The following GOLGA4 variants were observed in gnomAD, a reference collection of about 807,000 sequenced individuals.
GOLGA4 encodes the protein golgin A4.
Under a neutral mutation model 265.9 loss-of-function variants are expected in GOLGA4, and 169 were observed. The observed-to-expected ratio is 0.64, with a 90% CI of 0.56 to 0.72. The LOEUF is 0.72. Among genes scored for constraint, GOLGA4 ranks in the 30% least tolerant of loss-of-function variants. GOLGA4 has a pLI of 0.00. For synonymous variants in GOLGA4, 923 were observed against 855.8 expected, an observed-to-expected ratio of 1.08 and a Z score of -1.37; for missense variants, 2,482 against 2,483.4, an observed-to-expected ratio of 1.00 and a Z score of 0.01.
At chr3:37,337,101 T>G (rs1451819478) in intron 17 of GOLGA4, 42 bp from the exon 18 acceptor site, 3 of 1,202,444 alleles carry the variant, frequency 2.5e-6, no homozygotes, top group Non-Finnish European at 3.6e-6. Flanking sequence ...TTCTTATAGC[T>G]ATTATTGTAT....
intron 22 of GOLGA4, among the ~76,000 whole-genome samples, chr3:37,360,817 C>T (rs1297871008): frequency 6.6e-6 from 1 of 152,128 alleles, no homozygotes; most frequent in Admixed American, 6.5e-5. Context: ...AGACACATGG[C>T]TCTTCAAATT....
intron 14 of GOLGA4, among the ~76,000 whole-genome samples, 167 bp from the exon 15 acceptor site, chr3:37,328,233 GACACACACACACACAC>G (rs4021346): frequency 7.2e-6 from 1 of 138,534 alleles, no homozygotes. Context: ...TATGTACCTG[GACACACACACACACAC>G]ACACACACAC....
intron 16 of GOLGA4, among the ~76,000 whole-genome samples, chr3:37,330,746 G>A (rs1031291581): frequency 1.3e-5 from 2 of 152,070 alleles, no homozygotes; most frequent in Non-Finnish European, 2.9e-5. Context: ...AATGCAAGCC[G>A]GCCAGGCACG....
chr3:37,258,608 A>G (rs1219362534), intron 2 of GOLGA4, among the ~76,000 whole-genome samples: 1 of 152,156 alleles, frequency 6.6e-6, no homozygotes, highest in African/African-American at 2.4e-5. Flanking sequence ...GATTACAGGC[A>G]TGAACCACCA....
intron 16 of GOLGA4, among the ~76,000 whole-genome samples, chr3:37,331,755 T>A (rs1437962691): frequency 2.0e-5 from 3 of 152,238 alleles, no homozygotes; most frequent in Non-Finnish European, 4.4e-5. Flanking sequence ...ATGACATTCT[T>A]ACCATTCCTC....
chr3:37,282,186 T>A lies in GOLGA4; in HGVS notation c.391T>A (p.Ser131Thr), dbSNP rs765663451. Residue 131 changes from serine to threonine, a missense_variant, in exon 3 of 24, where the codon TCA (serine) becomes ACA (threonine). Around this residue, in one of 3 missense-constraint regions of GOLGA4, gnomAD observed 1,536 missense variants for 1,483.7 expected, o/e 1.04. Coordinates refer to ENST00000361924, the MANE Select transcript of GOLGA4 (RefSeq NM_002078.5). Reference sequence around the variant, plus strand: ...CGAGGCTGAAGACTTGGTAGGGAATTCAGACAGTCTCAACAAAGAACAGTT... The same window carrying A: ...CGAGGCTGAAGACTTGGTAGGGAATACAGACAGTCTCAACAAAGAACAGTT... The part of the protein sequence containing the change: ...DSEAEDLVGN[S>T]DSLNKEQLIQ... 6.2e-7 allele frequency: 1 copy of A among 1,614,176 alleles called. No homozygotes were observed. Among genetic ancestry groups the A allele is most frequent in the Non-Finnish European group, 8.5e-7 (1 of 1,179,996 alleles).
At position 37,343,270 on chromosome 3, in the gene GOLGA4, C is replaced by T. The variant is rs375252212; in HGVS notation, c.6472+3071C>T. ...CCGAGTAGCTGGGATTATAGGCATG[C>T]GCCTCCACGCCTGGCTAATTTTGTA... On this transcript the variant is annotated intron_variant, in intron 20 of 23. Transcript: ENST00000361924. 1.8e-3 allele frequency among the ~76,000 whole-genome samples: 271 copies of T among 152,336 alleles called. 4 individuals are homozygous for T. The highest frequency in any genetic ancestry group is 5.7e-3 in the African/African-American group (239 of 41,570).
In GOLGA4 at chr3:37,361,318, C is replaced by T; in HGVS notation, c.*33+13C>T. ...TAGTTAACATGTGGTGAGTGAAGAA[C>T]AATGTCTTGTGTCTTTTGTGCAAAA... On this transcript the variant is annotated intron_variant, in intron 23 of 23. Coordinates refer to ENST00000361924, the MANE Select transcript of GOLGA4 (RefSeq NM_002078.5). The T allele has an allele frequency of 6.3e-7, 1 of 1,590,828 alleles. No individual in the cohort carries two copies. Among genetic ancestry groups the T allele is most frequent in the Non-Finnish European group, 8.6e-7 (1 of 1,159,188 alleles).
At chr3:37,359,306 A>AT (rs1259065107) in intron 22 of GOLGA4, among the ~76,000 whole-genome samples, 3 of 151,962 alleles carry the variant, frequency 2.0e-5, no homozygotes, top group South Asian at 2.1e-4. Context: ...GTACACCCTG[A>AT]TTTTTTTTAA....
chr3:37,291,597 G>A (rs538726599), intron 5 of GOLGA4, among the ~76,000 whole-genome samples: 2 of 152,326 alleles, frequency 1.3e-5, no homozygotes, highest in Non-Finnish European at 2.9e-5. Flanking sequence ...TGGCTGAAAA[G>A]CATGCCTTGT....
chr3:37,278,473 G>C lies in GOLGA4; in HGVS notation c.163-3485G>C, dbSNP rs2096825633. On this transcript the variant is annotated intron_variant, in intron 2 of 23. Transcript: ENST00000361924. ...CCGCCTTGGCCTCCCAGAGTGCTGG[G>C]ATTACAGGGATGAGCCACCACACCT... Among the ~76,000 whole-genome samples, 3 of 152,130 alleles carry C rather than the reference G, an allele frequency of 2.0e-5. No homozygotes were observed. In the South Asian group the frequency reaches 6.2e-4, roughly 31 times the overall value.
chr3:37,330,430 C>T (rs891783192), intron 16 of GOLGA4, among the ~76,000 whole-genome samples: 1 of 152,044 alleles, frequency 6.6e-6, no homozygotes, highest in African/African-American at 2.4e-5. Context: ...CTAGAATTCC[C>T]TTTTGTGAAC....
At chr3:37,310,853 G>A (rs949695240) in intron 10 of GOLGA4, among the ~76,000 whole-genome samples, 9 of 152,032 alleles carry the variant, frequency 5.9e-5, no homozygotes, top group African/African-American at 1.7e-4. Context: ...GATGTGTGCC[G>A]TGACTGTGGT....
intron 19 of GOLGA4, among the ~76,000 whole-genome samples, chr3:37,339,073 A>G (rs574441557): frequency 1.3e-5 from 2 of 152,218 alleles, no homozygotes; most frequent in South Asian, 2.1e-4. Context: ...CATGTTAGCC[A>G]GGATGGTTTC....
intron 23 of GOLGA4, among the ~76,000 whole-genome samples, chr3:37,362,780 C>CTTTTTTTTTTTTTGTTTTT (rs1696421433): frequency 1.3e-5 from 1 of 75,464 alleles, no homozygotes; most frequent in African/African-American, 5.1e-5. Context: ...AGCCTCTAAG[C>CTTTTTTTTTTTTTGTTTTT]TTTTTTTTTT....
chr3:37,331,451 A>G (rs1047257942), intron 16 of GOLGA4, among the ~76,000 whole-genome samples: 13 of 152,192 alleles, frequency 8.5e-5, no homozygotes, highest in African/African-American at 3.1e-4. Flanking sequence ...AAAAATGCAA[A>G]TACTACTAAA....
At chr3:37,314,883 C>T (rs904527345) in intron 10 of GOLGA4, among the ~76,000 whole-genome samples, 3 of 151,902 alleles carry the variant, frequency 2.0e-5, no homozygotes, top group East Asian at 3.9e-4. Flanking sequence ...AATATTCAGC[C>T]AGTAAATGTT....
intron 22 of GOLGA4, among the ~76,000 whole-genome samples, chr3:37,358,919 A>G (rs1469774331): frequency 6.6e-6 from 1 of 152,162 alleles, no homozygotes; most frequent in Admixed American, 6.6e-5. Context: ...AACTGTTTTC[A>G]TATTTTTGAC....
chr3:37,243,787 T>G (rs563389114), intron 1 of GOLGA4, 165 bp downstream of exon 1: 84 of 605,712 alleles, frequency 1.4e-4, no homozygotes, highest in Non-Finnish European at 2.4e-4. Flanking sequence ...GTGCAGGTCG[T>G]CCGTAACTCC....
Sources: gnomAD v4.1 joint callset for allele counts (sites outside exome capture counted in the v4.1 genomes callset) on GRCh38, gnomAD v4.1.1 for gene constraint, gnomAD v4.1.1 regional missense constraint, MANE v1.5 for transcripts, NCBI Gene and HGNC (gene_info 2026-07-23, HGNC 2026-07-21) for gene names.